DCP1B: variants seen among roughly 807,000 people sequenced by gnomAD.
The protein encoded by DCP1B is mRNA-decapping enzyme 1B.
DCP1B carries 47 observed loss-of-function variants against 60.5 expected under a neutral mutation model. The ratio of observed to expected loss-of-function variants is 0.78; its 90% CI spans 0.61 to 0.99. DCP1B has a LOEUF of 0.99. Among genes scored for constraint, DCP1B ranks in the 50% least tolerant of loss-of-function variants. The pLI, the probability that DCP1B is intolerant of heterozygous loss-of-function variation, is 0.00. For synonymous variants in DCP1B, 267 were observed against 280.3 expected, an observed-to-expected ratio of 0.95 and a Z score of 0.47; for missense variants, 725 against 756.8, an observed-to-expected ratio of 0.96 and a Z score of 0.49.
intron 4 of DCP1B, among the ~76,000 whole-genome samples, chr12:1,966,840 A>G (rs1222094411): frequency 1.3e-5 from 2 of 152,208 alleles, no homozygotes; most frequent in Non-Finnish European, 2.9e-5. Context: ...TCAGGAATCT[A>G]TCTCATCTCT....
chr12:1,968,831 T>G (rs772091008), intron 3 of DCP1B, among the ~76,000 whole-genome samples: 12 of 152,222 alleles, frequency 7.9e-5, no homozygotes, highest in Non-Finnish European at 1.5e-4. Flanking sequence ...TATGATTTCC[T>G]CATTTAGTAA....
intron 1 of DCP1B, among the ~76,000 whole-genome samples, chr12:2,003,195 A>G (rs2042588631): frequency 6.6e-6 from 1 of 152,182 alleles, no homozygotes; most frequent in Non-Finnish European, 1.5e-5. Context: ...GTTTTTTACT[A>G]CAGGCTGCTG....
chr12:1,970,357 A>C (rs2031898559), intron 3 of DCP1B, among the ~76,000 whole-genome samples: 1 of 152,204 alleles, frequency 6.6e-6, no homozygotes, highest in Non-Finnish European at 1.5e-5. Flanking sequence ...TCATTTTGAG[A>C]TAACTCTTTT....
In DCP1B at chr12:1,955,540, T is replaced by C; in HGVS notation, c.543A>G (p.Pro181=). 1 of 1,613,710 alleles carries C rather than the reference T, an allele frequency of 6.2e-7. No individual in the cohort carries two copies. Among genetic ancestry groups the C allele is most frequent in the Non-Finnish European group, 8.5e-7 (1 of 1,179,654 alleles). ...EYTKCKTCSE[P]KKITSSSAIY... ...TGGCAGAGGAACTGGTTATCTTTTT[T>C]GGCTCAGAACAGGTTTTACACTGAA... Residue 181 remains proline, a synonymous_variant, in exon 6 of 9, where the codon CCA becomes CCG. Coordinates refer to ENST00000280665, the MANE Select transcript of DCP1B (RefSeq NM_152640.5).
Position 1,949,272 on chromosome 12 carries a change from C to T in DCP1B, c.1587G>A (p.Val529=), listed in dbSNP as rs747285683. 1 of 1,614,034 alleles carries T rather than the reference C, an allele frequency of 6.2e-7. No homozygotes were observed. Among genetic ancestry groups the T allele is most frequent in the Non-Finnish European group, 8.5e-7 (1 of 1,180,054 alleles). The change falls in exon 8 of 9, where the codon GTG becomes GTA. Residue 529 remains valine, a synonymous_variant. Coordinates refer to ENST00000280665, the MANE Select transcript of DCP1B (RefSeq NM_152640.5). ...AAPSLLMSPM[V]FAQPTSVPPK... is the part of the protein sequence containing the mutation. ...GCGGGACGGAGGTGGGTTGTGCGAA[C>T]ACCATGGGGGACATAAGCAGAGACG...
chr12:1,967,253 C>T (rs1342814571), intron 4 of DCP1B, among the ~76,000 whole-genome samples: 2 of 152,144 alleles, frequency 1.3e-5, no homozygotes, highest in African/African-American at 4.8e-5. Flanking sequence ...CACAAGGTAT[C>T]ATAAGATTAA....
chr12:1,969,545 C>CTTTTTTTTTTTTTTTTTTTT (rs780218221), intron 3 of DCP1B, among the ~76,000 whole-genome samples: 1 of 130,168 alleles, frequency 7.7e-6, no homozygotes, highest in Non-Finnish European at 1.6e-5. Context: ...GGTACACTGA[C>CTTTTTTTTTTTTTTTTTTTT]TTTTTTTTTT....
intron 3 of DCP1B, among the ~76,000 whole-genome samples, chr12:1,983,500 C>T (rs1030369809): frequency 1.3e-5 from 2 of 151,922 alleles, no homozygotes; most frequent in African/African-American, 4.8e-5. Context: ...CAGAAGTATG[C>T]TGTTTAATTT....
At position 1,962,723 on chromosome 12, in the gene DCP1B, T is replaced by C. The variant is rs1477729566; in HGVS notation, c.522+2835A>G. 6.6e-6 allele frequency among the ~76,000 whole-genome samples: 1 copy of C among 152,232 alleles called. No homozygotes were observed. Among genetic ancestry groups the C allele is most frequent in the Admixed American group, 6.5e-5 (1 of 15,280 alleles). On this transcript the variant is annotated intron_variant, in intron 5 of 8. Transcript: ENST00000280665. This position sits in a 1 kb window ranked among gnomAD's most constrained non-coding sequence, Gnocchi z 4.4. ...TCTGAAGCTGAGATTAAGGCATCTC[T>C]GTCCAGGCCATACAATAGAAGGATA...
At position 1,946,208 on chromosome 12, in the gene DCP1B, ACATAGTCTTTTT is replaced by A; in HGVS notation, c.1840_1851del (p.Lys614_Met617del). On this transcript the variant is annotated inframe_deletion, in exon 9 of 9. Coordinates refer to ENST00000280665, the MANE Select transcript of DCP1B (RefSeq NM_152640.5). ...ATCAGTTTTAAAAGGCCTTGCTGTC[ACATAGTCTTTTT>A]CATGGCTGCTTGAGTCATGCTGAAG... 3 of 1,596,442 alleles carry A rather than the reference ACATAGTCTTTTT, an allele frequency of 1.9e-6. No homozygotes were observed. Among genetic ancestry groups the A allele is most frequent in the Non-Finnish European group, 2.6e-6 (3 of 1,172,654 alleles).
At chr12:1,964,181 A>G (rs2031218557) in intron 5 of DCP1B, among the ~76,000 whole-genome samples, 1 of 152,162 alleles carries the variant, frequency 6.6e-6, no homozygotes, top group South Asian at 2.1e-4. Context: ...AAGTCACTCT[A>G]ATTTTTTTTC....
intron 3 of DCP1B, among the ~76,000 whole-genome samples, chr12:1,973,900 C>T (rs546493099): frequency 1.1e-4 from 17 of 152,300 alleles, no homozygotes; most frequent in African/African-American, 3.6e-4. Flanking sequence ...CCTAATACAT[C>T]TTTTCCTTCT....
At chr12:2,002,531 T>C (rs1234370604) in intron 1 of DCP1B, among the ~76,000 whole-genome samples, 1 of 152,262 alleles carries the variant, frequency 6.6e-6, no homozygotes, top group East Asian at 1.9e-4. Flanking sequence ...GATGAGGCTT[T>C]AGGTATCTAA....
chr12:2,002,969 C>A (rs2042530043), intron 1 of DCP1B, among the ~76,000 whole-genome samples: 1 of 152,070 alleles, frequency 6.6e-6, no homozygotes. Context: ...GGGAAATAAC[C>A]TCTTTCTCCT....
At chr12:1,969,230 C>CT (rs563762319) in intron 3 of DCP1B, among the ~76,000 whole-genome samples, 29 of 152,272 alleles carry the variant, frequency 1.9e-4, no homozygotes, top group African/African-American at 6.7e-4. Flanking sequence ...TGACCAATGT[C>CT]TGGGCATGGA....
At chr12:1,958,603 A>G (rs531830397) in intron 5 of DCP1B, among the ~76,000 whole-genome samples, 234 of 108,150 alleles carry the variant, frequency 2.2e-3, no homozygotes, top group Middle Eastern at 0.012. Context: ...CTGGGCAATG[A>G]CTTTTTCTAT....
intron 1 of DCP1B, among the ~76,000 whole-genome samples, chr12:1,998,817 C>G (rs189640548): frequency 6.6e-6 from 1 of 152,260 alleles, no homozygotes; most frequent in Admixed American, 6.5e-5. Context: ...TTAAAATGTA[C>G]TTTTGCAATT....
chr12:1,942,509 C>T (rs531977887), downstream of DCP1B, among the ~76,000 whole-genome samples: 6 of 152,372 alleles, frequency 3.9e-5, no homozygotes, highest in Admixed American at 3.9e-4. Flanking sequence ...TACCACATCA[C>T]ACTTATTCTA....
Position 1,971,255 on chromosome 12 carries a change from C to G in DCP1B, c.320-3345G>C. 2 of 940,134 alleles carry G rather than the reference C, an allele frequency of 2.1e-6. No individual in the cohort carries two copies. Among genetic ancestry groups the G allele is most frequent in the East Asian group, 6.1e-5 (1 of 16,358 alleles). 58.2% of individuals were successfully genotyped at this position (940,134 alleles called of 1,614,324 possible). A position where few individuals can be genotyped will look rare whatever the true frequency, so the allele number is the denominator to read the frequency against. ...TAGGAAGAACATGTTGAAATTTACT[C>G]TAAATATCCTAATGATACCTAGAAT... On this transcript the variant is annotated intron_variant, in intron 3 of 8. Transcript: ENST00000280665. This position sits in a 1 kb window ranked among gnomAD's most constrained non-coding sequence, Gnocchi z 4.2.
Sources: allele counts gnomAD v4.1 joint callset (sites outside exome capture counted in the v4.1 genomes callset), GRCh38; gene constraint gnomAD v4.1.1; non-coding constraint Gnocchi (gnomAD v3.1); transcripts MANE v1.5; gene names NCBI Gene and HGNC (gene_info 2026-07-23, HGNC 2026-07-21).